Variants in NSD1 observed in about 807,000 individuals in gnomAD.
NSD1 encodes the protein histone-lysine N-methyltransferase, H3 lysine-36 specific.
Under a neutral mutation model 242.7 loss-of-function variants are expected in NSD1, and 26 were observed. That is an observed-to-expected ratio of 0.11 (90% CI 0.08 to 0.15). The LOEUF (loss-of-function observed/expected upper bound fraction) is 0.15. Ranked by LOEUF, NSD1 falls within the 10% of genes least tolerant of loss-of-function variation. The probability of loss-of-function intolerance (pLI) is 1.00; values close to 1 mark genes in which losing one functional copy is unlikely to be tolerated. For missense variants in NSD1, 2,495 were observed against 3,272.8 expected, an observed-to-expected ratio of 0.76 and a Z score of 5.80; for synonymous variants, 1,106 against 1,178.1, an observed-to-expected ratio of 0.94 and a Z score of 1.25.
intron 2 of NSD1, chr5:177,169,681 T>A (rs1417031492): frequency 2.0e-5 from 3 of 152,308 alleles, no homozygotes; most frequent in African/African-American, 7.2e-5. Flanking sequence ...TTGTCTAGCA[T>A]CATTTCCATA....
chr5:177,167,483 C>T (rs945233429), intron 2 of NSD1, among the ~76,000 whole-genome samples: 6 of 151,746 alleles, frequency 4.0e-5, no homozygotes, highest in East Asian at 1.9e-4. Context: ...TGCGGTGAGC[C>T]GAGATCGCGC....
intron 2 of NSD1, among the ~76,000 whole-genome samples, chr5:177,164,383 C>T (rs545116732): frequency 6.6e-6 from 1 of 152,056 alleles, no homozygotes; most frequent in South Asian, 2.1e-4. Flanking sequence ...TCTTTAACTC[C>T]TGACCTCAGG....
chr5:177,218,053 C>T (rs1180471625), intron 5 of NSD1, among the ~76,000 whole-genome samples: 1 of 152,082 alleles, frequency 6.6e-6, no homozygotes, highest in Non-Finnish European at 1.5e-5. Context: ...GCTGTGACTA[C>T]AGCCATGCAC....
chr5:177,152,359 A>ATGTT (rs1369029516), intron 2 of NSD1, among the ~76,000 whole-genome samples: 1 of 137,126 alleles, frequency 7.3e-6, no homozygotes, highest in Non-Finnish European at 1.5e-5. Context: ...GTATGTATGT[A>ATGTT]TGTTTGTATA....
At chr5:177,293,515 T>C (rs1368248501) in intron 22 of NSD1, among the ~76,000 whole-genome samples, 1 of 149,996 alleles carries the variant, frequency 6.7e-6, no homozygotes, top group Non-Finnish European at 1.5e-5. Context: ...AAAAGAAACT[T>C]TTTGTTGTCC....
In NSD1 at chr5:177,294,041, C is replaced by G. The variant is rs1418961998; in HGVS notation, c.6673C>G (p.Pro2225Ala). 1.2e-6 allele frequency: 2 copies of G among 1,613,974 alleles called. No homozygotes were observed. Among genetic ancestry groups the G allele is most frequent in the Admixed American group, 1.7e-5 (1 of 59,990 alleles). The change falls in exon 23 of 23, where the codon CCA becomes GCA. Residue 2225 changes from proline (P) to alanine (A), a missense_variant. This residue lies in a region of NSD1 where 475 missense variants were observed against 563.7 expected (regional missense o/e 0.84). Transcript: ENST00000439151. ...PGEIREYVPP[P>A]VPLPPGPSTH... is the part of the protein sequence containing the mutation. ...GGAGATCCGTGAGTATGTGCCTCCC[C>G]CAGTACCGCTGCCTCCAGGGCCAAG...
intron 9 of NSD1, among the ~76,000 whole-genome samples, chr5:177,244,582 A>G (rs529006271): frequency 2.2e-4 from 33 of 152,268 alleles, no homozygotes; most frequent in Admixed American, 5.9e-4. Context: ...CAGGGAACTA[A>G]ATCCACACCT....
At chr5:177,197,041 C>T (rs576558982) in intron 3 of NSD1, among the ~76,000 whole-genome samples, 5 of 152,142 alleles carry the variant, frequency 3.3e-5, no homozygotes, top group South Asian at 2.1e-4. Flanking sequence ...CCGAGGCGGG[C>T]GGATCACTTG....
In NSD1 at chr5:177,211,868, A is replaced by G; in HGVS notation, c.3469A>G (p.Lys1157Glu). The change falls in exon 5 of 23, where the codon AAA (lysine) becomes GAA (glutamate). Residue 1157 changes from lysine to glutamate, a missense_variant. Lys to Glu is a moderately conservative substitution (Grantham distance 56, BLOSUM62 1). Coordinates refer to ENST00000439151, the MANE Select transcript of NSD1 (RefSeq NM_022455.5). Reference protein sequence around the residue: ...ELNGVNQVVPKKRWQRLNQRR... With the variant: ...ELNGVNQVVPEKRWQRLNQRR... ...CAATGGTGTAAATCAAGTGGTGCCT[A>G]AAAAGCGGTGGCAGCGTTTAAACCA... The G allele has an allele frequency of 6.2e-7, 1 of 1,612,806 alleles. No individual in the cohort carries two copies. The highest frequency in any genetic ancestry group is 8.5e-7 in the Non-Finnish European group (1 of 1,179,300).
chr5:177,196,919 A>G (rs1762140363), intron 3 of NSD1, among the ~76,000 whole-genome samples: 1 of 152,214 alleles, frequency 6.6e-6, no homozygotes, highest in Non-Finnish European at 1.5e-5. Context: ...ACTGAATCCC[A>G]TATATATAAT....
chr5:177,214,461 T>C (rs1248693592), intron 5 of NSD1, among the ~76,000 whole-genome samples: 1 of 152,282 alleles, frequency 6.6e-6, no homozygotes, highest in East Asian at 1.9e-4. Context: ...TGAGACTCTA[T>C]ACCCATTGAA....
At chr5:177,257,354 C>T (rs1756567435) in intron 13 of NSD1, among the ~76,000 whole-genome samples, 1 of 151,742 alleles carries the variant, frequency 6.6e-6, no homozygotes, top group Non-Finnish European at 1.5e-5. Flanking sequence ...CTTCAGCCTC[C>T]TGAGTAGCTG....
intron 2 of NSD1, among the ~76,000 whole-genome samples, chr5:177,177,747 A>G (rs1760325801): frequency 6.6e-6 from 1 of 152,166 alleles, no homozygotes; most frequent in Non-Finnish European, 1.5e-5. Flanking sequence ...ACCAGTGCCC[A>G]GAGTTTTCTC....
chr5:177,239,380 C>T (rs891139530), intron 7 of NSD1, among the ~76,000 whole-genome samples: 3 of 152,164 alleles, frequency 2.0e-5, no homozygotes, highest in Non-Finnish European at 4.4e-5. Context: ...AGGGGCAGAG[C>T]AGAAACTATA....
chr5:177,202,328 T>C (rs1762573098), intron 3 of NSD1, among the ~76,000 whole-genome samples: 1 of 152,186 alleles, frequency 6.6e-6, no homozygotes, highest in South Asian at 2.1e-4. Context: ...GAGTTCTTTT[T>C]TCTCCTCACG....
rs70991600 is a variant in NSD1 at position 177,252,539 on chromosome 5, C to CTTTTTTT, written c.4765+710_4765+716dup. Among the ~76,000 whole-genome samples the CTTTTTTT allele has an allele frequency of 1.7e-4, 8 of 47,428 alleles. 1 individual carries two copies. Among genetic ancestry groups the CTTTTTTT allele is most frequent in the African/African-American group, 3.4e-4 (5 of 14,640 alleles). The allele number at this position is 47,428 out of a possible 152,430, so 31.1% of individuals were successfully genotyped here. A position where few individuals can be genotyped will look rare whatever the true frequency, so the allele number is the denominator to read the frequency against. ...TAAAGCTGCGCTAAAGTAAAGTGTT[C>CTTTTTTT]TTTTTTTTTTTTTTTTTTTTTTTTT... On this transcript the variant is annotated intron_variant, in intron 12 of 22. Transcript: ENST00000439151.
At position 177,204,220 on chromosome 5, in the gene NSD1, C is replaced by T. The variant is rs1581292288; in HGVS notation, c.1164C>T (p.Gly388=). The change falls in exon 4 of 23, where the codon GGC becomes GGT. Residue 388 remains glycine, a synonymous_variant. Transcript: ENST00000439151. ...GAAAAGCAATCGTCATGTTTGAAGG[C>T]AGACATCAATTCGAAGAGCTACCTG... ...VAGKAIVMFE[G]RHQFEELPVL... The T allele has an allele frequency of 6.2e-7, 1 of 1,614,002 alleles. No individual in the cohort carries two copies. The highest frequency in any genetic ancestry group is 1.1e-5 in the South Asian group (1 of 91,090).
chr5:177,190,688 G>A (rs1761593226), intron 2 of NSD1, among the ~76,000 whole-genome samples: 1 of 148,342 alleles, frequency 6.7e-6, no homozygotes, highest in South Asian at 2.1e-4. Flanking sequence ...TTTTTTTTCC[G>A]AGACGGAGTC....
intron 2 of NSD1, among the ~76,000 whole-genome samples, chr5:177,189,503 A>G (rs1173921728): frequency 6.6e-6 from 1 of 152,234 alleles, no homozygotes; most frequent in African/African-American, 2.4e-5. Context: ...GTCATAAAGC[A>G]TATAATAATA....
Sources: allele counts gnomAD v4.1 joint callset (sites outside exome capture counted in the v4.1 genomes callset), GRCh38; gene constraint gnomAD v4.1.1; regional missense constraint gnomAD v4.1.1; transcripts MANE v1.5; gene names NCBI Gene and HGNC (gene_info 2026-07-23, HGNC 2026-07-21).